The following TBC1D17 variants were observed in gnomAD, a reference collection of about 807,000 sequenced individuals.
The protein encoded by TBC1D17 is TBC1 domain family member 17.
Under a neutral mutation model 78.8 loss-of-function variants are expected in TBC1D17, and 69 were observed. That is an observed-to-expected ratio of 0.88 (90% CI 0.72 to 1.07). The LOEUF is 1.07. Among genes scored for constraint, TBC1D17 ranks in the 50% least tolerant of loss-of-function variants. The pLI, the probability that TBC1D17 is intolerant of heterozygous loss-of-function variation, is 0.00. For missense variants in TBC1D17, 957 were observed against 861.0 expected (o/e 1.11, Z -1.39); for synonymous variants, 456 against 358.3 (o/e 1.27, Z -3.08).
In TBC1D17 at chr19:49,884,698, C is replaced by T; in HGVS notation, c.1384C>T (p.Gln462Ter). 2 of 1,614,144 alleles carry T rather than the reference C, an allele frequency of 1.2e-6. No individual in the cohort carries two copies. Among genetic ancestry groups the T allele is most frequent in the Non-Finnish European group, 1.7e-6 (2 of 1,180,030 alleles). ...FEESQETMKR[Q>*]LGRLLLLLRV... ...AGAGAGCCAGGAGACCATGAAGCGG[C>T]AACTCGGGCGACTGCTGCTGCTCCT... Residue 462 changes from glutamine (Q) to a stop codon, truncating the protein, a stop_gained, in exon 13 of 17, where the codon CAA (glutamine) becomes TAA (stop). Coordinates refer to ENST00000221543, the MANE Select transcript of TBC1D17 (RefSeq NM_024682.3). LOFTEE classifies it high-confidence loss of function.
rs1466446869 is a variant in TBC1D17, at chr19:49,888,630, C to G, written c.*6C>G. ...ACGAGGGCGCCGACTCCTAACCCCG[C>G]CAGGCAGCCTCGTTCTGCACAGGCA... On this transcript the variant is annotated 3_prime_UTR_variant, in exon 17 of 17. Transcript: ENST00000221543. 1 of 1,532,532 alleles carries G rather than the reference C, an allele frequency of 6.5e-7. No homozygotes were observed. The highest frequency in any genetic ancestry group is 2.0e-5 in the Admixed American group (1 of 50,470). The allele number at this position is 1,532,532 out of a possible 1,614,324, so 94.9% of individuals were successfully genotyped here.
At chr19:49,883,843 C>A in intron 10 of TBC1D17, 98 bp downstream of exon 10, 1 of 1,039,964 alleles carries the variant, frequency 9.6e-7, no homozygotes, top group Non-Finnish European at 1.5e-6. Flanking sequence ...AGCCCCCTGC[C>A]TCCCCAAGAC....
chr19:49,882,161 C>G lies in TBC1D17; in HGVS notation c.639+9C>G, dbSNP rs1039735426. 3 of 1,613,996 alleles carry G rather than the reference C, an allele frequency of 1.9e-6. No individual in the cohort carries two copies. Among genetic ancestry groups the G allele is most frequent in the Non-Finnish European group, 2.5e-6 (3 of 1,179,960 alleles). Reference sequence around the variant, plus strand: ...GCTCCAATGTGGTGTCAGTGAGTGTCCCCAGCAGGAGGCCTGGCGGGTGTG... The same window carrying G: ...GCTCCAATGTGGTGTCAGTGAGTGTGCCCAGCAGGAGGCCTGGCGGGTGTG... On this transcript the variant is annotated intron_variant, in intron 6 of 16. Transcript: ENST00000221543.
At chr19:49,882,628 C>T (rs370949275) in intron 7 of TBC1D17, 136 bp from the exon 8 acceptor site, 100 of 1,405,290 alleles carry the variant, frequency 7.1e-5, no homozygotes, top group East Asian at 6.3e-4. Context: ...TGCTGAGCCC[C>T]GGAAGAGGCT....
chr19:49,887,260 C>T (rs1470717319), intron 13 of TBC1D17: 9 of 561,046 alleles, frequency 1.6e-5, no homozygotes, highest in Middle Eastern at 9.9e-4. Context: ...ATGTCCATGG[C>T]AGATGTGGAA....
chr19:49,879,827 C>G (rs73594140), intron 3 of TBC1D17, among the ~76,000 whole-genome samples: 1 of 146,828 alleles, frequency 6.8e-6, no homozygotes. Flanking sequence ...TGACCCTGAG[C>G]AAGTGCTGTA....
chr19:49,887,319 C>T (rs1568678560), intron 13 of TBC1D17, 157 bp from the exon 14 acceptor site: 1 of 667,516 alleles, frequency 1.5e-6, no homozygotes, highest in South Asian at 1.8e-5. Context: ...AGGGGCAGGG[C>T]CCGCGTTCAG....
chr19:49,884,800 A>G, intron 13 of TBC1D17, 42 bp downstream of exon 13: 1 of 1,564,686 alleles, frequency 6.4e-7, no homozygotes, highest in Non-Finnish European at 8.8e-7. Flanking sequence ...ATGGGGCCAT[A>G]GACCTTGCCA....
rs1464615275 is a variant in TBC1D17 at position 49,882,387 on chromosome 19, A to C, written c.785A>C (p.Glu262Ala). 6.2e-7 allele frequency: 1 copy of C among 1,606,278 alleles called. No homozygotes were observed. The highest frequency in any genetic ancestry group is 1.1e-5 in the South Asian group (1 of 91,054). Residue 262 changes from glutamate to alanine, a missense_variant, in exon 7 of 17, where the codon GAG becomes GCG. Glu to Ala is a moderately radical substitution (Grantham distance 107, BLOSUM62 -1). Coordinates refer to ENST00000221543, the MANE Select transcript of TBC1D17 (RefSeq NM_024682.3). ...PPDDEPEPGF[E>A]VISCVELGPR... ...GACGATGAGCCCGAGCCTGGATTCG[A>C]GGTCATTTCCTGTGTGAGTAGTGAG...
chr19:49,880,454 A>C, intron 4 of TBC1D17, 52 bp downstream of exon 4: 3 of 1,594,418 alleles, frequency 1.9e-6, no homozygotes, highest in Non-Finnish European at 1.7e-6. Context: ...GGTAGGACAC[A>C]TCTTGCCCTC....
chr19:49,884,198 A>G (rs2075039374), intron 10 of TBC1D17, 55 bp from the exon 11 acceptor site: 2 of 1,522,360 alleles, frequency 1.3e-6, no homozygotes, highest in African/African-American at 1.4e-5. Context: ...GGTGGCCAGC[A>G]GGGATGGGCC....
intron 3 of TBC1D17, among the ~76,000 whole-genome samples, chr19:49,879,849 CT>C (rs35413614): frequency 0.95 from 113,095 of 119,240 alleles, 53,906 homozygotes; most frequent in Non-Finnish European, 0.98. Context: ...TTTCTTTTTT[CT>C]TTTTTTTTTT....
chr19:49,882,354 CG>C lies in TBC1D17; in HGVS notation c.753del (p.Pro252HisfsTer51). On this transcript the variant is annotated frameshift_variant, in exon 7 of 17. Coordinates refer to ENST00000221543, the MANE Select transcript of TBC1D17 (RefSeq NM_024682.3). LOFTEE classifies it high-confidence loss of function. Reference sequence around the variant, plus strand: ...GAGGGAGCCGCCTCCGACCTTCCCCCGCCACCCGACGATGAGCCCGAGCCTG... The same window carrying C: ...GAGGGAGCCGCCTCCGACCTTCCCCCCCACCCGACGATGAGCCCGAGCCTG... ...QPEGAASDLP[P>X]PPDDEPEPGF... 6.2e-7 allele frequency: 1 copy of C among 1,609,930 alleles called. No individual in the cohort carries two copies. The highest frequency in any genetic ancestry group is 8.5e-7 in the Non-Finnish European group (1 of 1,179,974).
chr19:49,882,676 A>G, intron 7 of TBC1D17, 88 bp from the exon 8 acceptor site: 1 of 1,443,372 alleles, frequency 6.9e-7, no homozygotes, highest in Non-Finnish European at 9.1e-7. Context: ...CGTCAAGCTA[A>G]TAAGCTCTCT....
chr19:49,878,407 A>G (rs1431706689), intron 2 of TBC1D17, 91 bp from the exon 3 acceptor site: 22 of 1,385,080 alleles, frequency 1.6e-5, no homozygotes, highest in East Asian at 2.3e-5. Context: ...GGCTGAGGGT[A>G]GAAACTGGGA....
In TBC1D17 at chr19:49,887,469, C is replaced by A. The variant is rs766488081; in HGVS notation, c.1445-7C>A. Reference sequence around the variant, plus strand: ...CAAGGCTGAGTGGGCTCCATGTCATCCCCCAGATTCCCAGGACTCCGGCTC... The same window carrying A: ...CAAGGCTGAGTGGGCTCCATGTCATACCCCAGATTCCCAGGACTCCGGCTC... On this transcript the variant is annotated splice_polypyrimidine_tract_variant and splice_region_variant and intron_variant, in intron 13 of 16. Coordinates refer to ENST00000221543, the MANE Select transcript of TBC1D17 (RefSeq NM_024682.3). The A allele has an allele frequency of 6.2e-7, 1 of 1,613,158 alleles. No homozygotes were observed. The highest frequency in any genetic ancestry group is 8.5e-7 in the Non-Finnish European group (1 of 1,179,538).
In TBC1D17 at chr19:49,884,690, T is replaced by C. The variant is rs142816596; in HGVS notation, c.1376T>C (p.Met459Thr). 215 of 1,614,120 alleles carry C rather than the reference T, an allele frequency of 1.3e-4. No individual in the cohort carries two copies. The East Asian group carries it at 4.7e-3, about 35-fold the overall frequency. Residue 459 changes from methionine (M) to threonine (T), a missense_variant, in exon 13 of 17, where the codon ATG becomes ACG. Transcript: ENST00000221543. ...QGNFEESQET[M>T]KRQLGRLLLL... ...AACTTTGAAGAGAGCCAGGAGACCATGAAGCGGCAACTCGGGCGACTGCTG... is the reference window on the plus strand; with the variant it reads ...AACTTTGAAGAGAGCCAGGAGACCACGAAGCGGCAACTCGGGCGACTGCTG...
Position 49,887,736 on chromosome 19 carries a change from C to T in TBC1D17, c.1561C>T (p.Pro521Ser). 1 of 1,613,836 alleles carries T rather than the reference C, an allele frequency of 6.2e-7. No individual in the cohort carries two copies. The highest frequency in any genetic ancestry group is 8.5e-7 in the Non-Finnish European group (1 of 1,179,950). Residue 521 changes from proline to serine, a missense_variant, in exon 15 of 17, where the codon CCT (proline) becomes TCT (serine). Coordinates refer to ENST00000221543, the MANE Select transcript of TBC1D17 (RefSeq NM_024682.3). ...RLWEVLWTGL[P>S]GPNLHLLVAC... ...CCCTCAGGTGCTGTGGACAGGGCTCCCTGGCCCCAATCTGCACCTGCTGGT... is the reference window on the plus strand; with the variant it reads ...CCCTCAGGTGCTGTGGACAGGGCTCTCTGGCCCCAATCTGCACCTGCTGGT...
rs202133410 is a variant in TBC1D17 at position 49,884,474 on chromosome 19, T to C, written c.1259T>C (p.Met420Thr). 11 of 1,614,020 alleles carry C rather than the reference T, an allele frequency of 6.8e-6. No homozygotes were observed. The highest frequency in any genetic ancestry group is 8.5e-7 in the Non-Finnish European group (1 of 1,180,022). Reference sequence around the variant, plus strand: ...GTCCCCCCAGGCTACGTCCAGGGCATGAGTGATCTTCTCTCCCCGATCCTC... The same window carrying C: ...GTCCCCCCAGGCTACGTCCAGGGCACGAGTGATCTTCTCTCCCCGATCCTC... ...YHFDLGYVQGMSDLLSPILYV... is the reference protein window; with the variant it reads ...YHFDLGYVQGTSDLLSPILYV... Residue 420 changes from methionine (M) to threonine (T), a missense_variant, in exon 12 of 17, where the codon ATG (methionine) becomes ACG (threonine). Physicochemically the swap from Met to Thr is moderately conservative, Grantham distance 81. Transcript: ENST00000221543.
Sources: allele counts gnomAD v4.1 joint callset (sites outside exome capture counted in the v4.1 genomes callset), GRCh38; gene constraint gnomAD v4.1.1; transcripts MANE v1.5; gene names NCBI Gene and HGNC (gene_info 2026-07-23, HGNC 2026-07-21).